MEGF11: variants seen among roughly 807,000 people sequenced by gnomAD.
MEGF11 encodes multiple EGF like domains 11, also known as multiple epidermal growth factor-like domains protein 11.
Under a neutral mutation model 146.6 loss-of-function variants are expected in MEGF11, and 126 were observed. The observed-to-expected ratio is 0.86, with a 90% CI of 0.74 to 1.00. The LOEUF (loss-of-function observed/expected upper bound fraction) is 1.00, where lower values mean the gene tolerates loss of function less well. Ranked by LOEUF, MEGF11 falls within the 50% of genes least tolerant of loss-of-function variation. MEGF11 has a pLI of 0.00. For missense variants in MEGF11, 1,509 were observed against 1,521.2 expected (o/e 0.99, Z 0.13); for synonymous variants, 532 against 583.4 (o/e 0.91, Z 1.27).
intron 5 of MEGF11, among the ~76,000 whole-genome samples, chr15:66,042,440 C>T (rs375974324): frequency 2.6e-5 from 4 of 152,046 alleles, no homozygotes; most frequent in East Asian, 1.9e-4. Flanking sequence ...ACCCAGGGGA[C>T]GTCAGAGCTG....
At chr15:66,018,940 G>A (rs546309000) in intron 5 of MEGF11, among the ~76,000 whole-genome samples, 1 of 152,220 alleles carries the variant, frequency 6.6e-6, no homozygotes, top group Non-Finnish European at 1.5e-5. Context: ...AAAGAAGAGA[G>A]ATTTGGCAGA....
intron 10 of MEGF11, among the ~76,000 whole-genome samples, chr15:65,937,993 G>T (rs1308714566): frequency 6.6e-6 from 1 of 152,196 alleles, no homozygotes; most frequent in Non-Finnish European, 1.5e-5. Flanking sequence ...GCATCTTCTT[G>T]CCTGGACTGG....
intron 1 of MEGF11, among the ~76,000 whole-genome samples, chr15:66,175,155 T>C (rs903703927): frequency 1.3e-5 from 2 of 152,216 alleles, no homozygotes; most frequent in Non-Finnish European, 2.9e-5. Context: ...AGTGACAATT[T>C]TACTTCCTGT....
At chr15:66,227,031 G>A (rs549198950) in intron 1 of MEGF11, among the ~76,000 whole-genome samples, 1 of 152,302 alleles carries the variant, frequency 6.6e-6, no homozygotes, top group East Asian at 1.9e-4. Context: ...GTGGTGTGAG[G>A]CGTGGAAACA....
chr15:66,215,425 A>G (rs1261293456), intron 1 of MEGF11, among the ~76,000 whole-genome samples: 10 of 152,198 alleles, frequency 6.6e-5, no homozygotes, highest in Non-Finnish European at 1.2e-4. Flanking sequence ...TCATTTTCTT[A>G]CCAAATAAAC....
At position 65,976,585 on chromosome 15, in the gene MEGF11, C is replaced by T. The variant is rs186402869; in HGVS notation, c.762+4193G>A. The stretch of plus-strand genomic sequence containing the variant: ...GAGGCTCAGAAGGAACCAACGCTGC[C>T]GACACCTTGATCTTGGACTTTCAGC... On this transcript the variant is annotated intron_variant, in intron 7 of 25. Coordinates refer to ENST00000395614, the MANE Select transcript of MEGF11 (RefSeq NM_001385028.1). Among the ~76,000 whole-genome samples, 228 of 152,278 alleles carry T rather than the reference C, an allele frequency of 1.5e-3. 1 individual carries two copies. Among genetic ancestry groups the T allele is most frequent in the African/African-American group, 5.0e-3 (207 of 41,554 alleles).
At chr15:66,133,228 C>T (rs2088731708) in intron 1 of MEGF11, among the ~76,000 whole-genome samples, 1 of 152,224 alleles carries the variant, frequency 6.6e-6, no homozygotes, top group South Asian at 2.1e-4. Flanking sequence ...GCCTGGACCA[C>T]CCCATCAGCA....
At chr15:66,162,960 C>T (rs559134381) in intron 1 of MEGF11, among the ~76,000 whole-genome samples, 11 of 152,292 alleles carry the variant, frequency 7.2e-5, no homozygotes, top group Non-Finnish European at 4.4e-5. Flanking sequence ...TGGCAAATCT[C>T]CTAAATCACC....
At chr15:65,944,215 T>C (rs543013408) in intron 10 of MEGF11, among the ~76,000 whole-genome samples, 1 of 152,182 alleles carries the variant, frequency 6.6e-6, no homozygotes, top group African/African-American at 2.4e-5. Context: ...CCTTGGAGCT[T>C]TCTGTTTAGT....
chr15:66,106,167 A>C lies in MEGF11; in HGVS notation c.302-11673T>G, dbSNP rs541368892. ...GCACCACTGCTGCTTAAAAAGGGAAAGGAGAAAGGAGATGGGAAACAATGA... is the reference window on the plus strand; with the variant it reads ...GCACCACTGCTGCTTAAAAAGGGAACGGAGAAAGGAGATGGGAAACAATGA... On this transcript the variant is annotated intron_variant, in intron 4 of 25. Transcript: ENST00000395614. Among the ~76,000 whole-genome samples the C allele has an allele frequency of 2.6e-5, 4 of 152,328 alleles. No homozygotes were observed. In the East Asian group the frequency reaches 7.7e-4, roughly 29 times the overall value.
intron 20 of MEGF11, 101 bp from the exon 21 acceptor site, chr15:65,912,301 CA>C: frequency 1.6e-6 from 1 of 644,058 alleles, no homozygotes; most frequent in Non-Finnish European, 2.2e-6. Context: ...GAGAGCCCTG[CA>C]AAGACAAACA....
chr15:66,008,717 AG>A (rs2082606655), intron 5 of MEGF11, among the ~76,000 whole-genome samples: 1 of 151,924 alleles, frequency 6.6e-6, no homozygotes, highest in South Asian at 2.1e-4. Flanking sequence ...CTGGCTACTC[AG>A]GAGGCTGAGG....
intron 5 of MEGF11, among the ~76,000 whole-genome samples, chr15:66,023,013 T>A (rs2083207170): frequency 6.6e-6 from 1 of 151,136 alleles, no homozygotes; most frequent in Non-Finnish European, 1.5e-5. Flanking sequence ...ATTAGCCGGG[T>A]ATGGTGGTGG....
chr15:65,922,280 A>G, intron 15 of MEGF11, 58 bp downstream of exon 15: 1 of 1,575,868 alleles, frequency 6.3e-7, no homozygotes. Context: ...CTTCCCTGCC[A>G]CTTTCCTCCC....
intron 17 of MEGF11, chr15:65,916,586 T>G: frequency 1.4e-6 from 1 of 734,180 alleles, no homozygotes; most frequent in Non-Finnish European, 2.3e-6. Flanking sequence ...GTCTTGGTGA[T>G]TGCTGGAGTA....
intron 1 of MEGF11, among the ~76,000 whole-genome samples, chr15:66,241,208 C>T (rs377525758): frequency 1.3e-5 from 2 of 152,164 alleles, no homozygotes; most frequent in South Asian, 2.1e-4. Context: ...GAACCAGGCC[C>T]GCTGAGTGGA....
intron 10 of MEGF11, among the ~76,000 whole-genome samples, chr15:65,936,508 A>C (rs909563066): frequency 6.6e-6 from 1 of 152,190 alleles, no homozygotes; most frequent in African/African-American, 2.4e-5. Flanking sequence ...TATGCCAGGC[A>C]ATTCAGCAAA....
In MEGF11 at chr15:66,238,874, CTA is replaced by C. The variant is rs1403298987; in HGVS notation, c.-9+14729_-9+14730del. ...CGCTTGTCACCTTCAAATAAACCAT[CTA>C]CTAACTTACTTGCTTAGAGTCCGGC... On this transcript the variant is annotated intron_variant, in intron 1 of 25. Transcript: ENST00000395614. 4.7e-5 allele frequency among the ~76,000 whole-genome samples: 7 copies of C among 148,690 alleles called. No homozygotes were observed. In the South Asian group the frequency reaches 1.6e-3, roughly 33 times the overall value.
intron 1 of MEGF11, among the ~76,000 whole-genome samples, chr15:66,146,901 C>T (rs1160085923): frequency 6.6e-6 from 1 of 152,190 alleles, no homozygotes; most frequent in Non-Finnish European, 1.5e-5. Flanking sequence ...TTGCCCATCT[C>T]CTCTGCCTTT....
Sources: allele counts gnomAD v4.1 joint callset (sites outside exome capture counted in the v4.1 genomes callset), GRCh38; gene constraint gnomAD v4.1.1; transcripts MANE v1.5; gene names NCBI Gene and HGNC (gene_info 2026-07-23, HGNC 2026-07-21).